WNK2: variants seen among roughly 807,000 people sequenced by gnomAD.
WNK2 encodes the protein serine/threonine-protein kinase WNK2.
A neutral mutation model predicts 192.1 loss-of-function variants in WNK2; 67 were observed. The ratio of observed to expected loss-of-function variants is 0.35; its 90% confidence interval spans 0.29 to 0.43. WNK2 has a LOEUF of 0.43. Among genes scored for constraint, WNK2 ranks in the 20% least tolerant of loss-of-function variants. The probability of loss-of-function intolerance (pLI) is 1.00; values close to 1 mark genes in which losing one functional copy is unlikely to be tolerated. For missense variants in WNK2, 2,698 were observed against 3,089.7 expected, an observed-to-expected ratio of 0.87 and a Z score of 3.01; for synonymous variants, 1,439 against 1,393.9, an observed-to-expected ratio of 1.03 and a Z score of -0.72.
At chr9:93,241,356 C>T (rs1376498682) in intron 7 of WNK2, among the ~76,000 whole-genome samples, 6 of 152,248 alleles carry the variant, frequency 3.9e-5, no homozygotes, top group Non-Finnish European at 7.3e-5. Context: ...TTGCAGTGAA[C>T]ACCTGAGCAG....
At chr9:93,317,222 G>A (rs865782747) in intron 28 of WNK2, 137 of 522,996 alleles carry the variant, frequency 2.6e-4, no homozygotes, top group African/African-American at 1.7e-3. Flanking sequence ...TCACTCATGC[G>A]CCCTCAGGGT....
At chr9:93,291,739 T>C (rs1183388798) in intron 21 of WNK2, among the ~76,000 whole-genome samples, 1 of 152,224 alleles carries the variant, frequency 6.6e-6, no homozygotes, top group African/African-American at 2.4e-5. Context: ...CGAGTTTCTT[T>C]TGTCACATGA....
At chr9:93,244,309 G>T (rs1031274225) in intron 7 of WNK2, among the ~76,000 whole-genome samples, 1 of 152,222 alleles carries the variant, frequency 6.6e-6, no homozygotes, top group African/African-American at 2.4e-5. Context: ...GAAATAGCGG[G>T]CTCTGTGGGG....
chr9:93,318,993 G>A, intron 29 of WNK2: 1 of 1,496,588 alleles, frequency 6.7e-7, no homozygotes, highest in Non-Finnish European at 8.9e-7. Flanking sequence ...TTTTCTAGGT[G>A]ATTATGCAGA....
At chr9:93,297,636 A>G (rs781061549) in intron 23 of WNK2, among the ~76,000 whole-genome samples, 2 of 152,256 alleles carry the variant, frequency 1.3e-5, no homozygotes, top group African/African-American at 4.8e-5. Context: ...CGTCGATGCC[A>G]GAGGCCCACT....
At chr9:93,250,898 C>T (rs1452557307) in intron 8 of WNK2, among the ~76,000 whole-genome samples, 1 of 149,398 alleles carries the variant, frequency 6.7e-6, no homozygotes, top group Non-Finnish European at 1.5e-5. Context: ...GATTCTTCTG[C>T]ATCAGCCTCC....
intron 2 of WNK2, among the ~76,000 whole-genome samples, chr9:93,199,908 A>AAAAAAAG (rs1288343523): frequency 1.3e-5 from 2 of 151,040 alleles, no homozygotes; most frequent in African/African-American, 2.4e-5. Flanking sequence ...TCAAAAAAAA[A>AAAAAAAG]AAAGAAAACA....
intron 7 of WNK2, among the ~76,000 whole-genome samples, chr9:93,243,724 G>C (rs1027962159): frequency 2.6e-5 from 4 of 152,164 alleles, no homozygotes; most frequent in Non-Finnish European, 4.4e-5. Context: ...TCCCTATGGG[G>C]CCTTTCCAGG....
intron 26 of WNK2, among the ~76,000 whole-genome samples, chr9:93,304,448 C>G (rs1297658750): frequency 6.6e-6 from 1 of 152,268 alleles, no homozygotes; most frequent in Non-Finnish European, 1.5e-5. Flanking sequence ...GCCCCCGCCC[C>G]AGCACCACTG....
chr9:93,245,236 C>G (rs1473273855), intron 7 of WNK2, among the ~76,000 whole-genome samples: 1 of 152,160 alleles, frequency 6.6e-6, no homozygotes, highest in African/African-American at 2.4e-5. Flanking sequence ...CCCCTGAAGC[C>G]CTGAATACTT....
At chr9:93,294,331 G>C (rs1849891896) in intron 23 of WNK2, among the ~76,000 whole-genome samples, 1 of 152,222 alleles carries the variant, frequency 6.6e-6, no homozygotes, top group African/African-American at 2.4e-5. Flanking sequence ...GAGGCAGGAA[G>C]GCAGGGATGG....
intron 23 of WNK2, among the ~76,000 whole-genome samples, chr9:93,297,385 C>T (rs1283390111): frequency 6.6e-6 from 1 of 152,198 alleles, no homozygotes; most frequent in Non-Finnish European, 1.5e-5. Context: ...GTGAGCGTCT[C>T]GCTGACTTCT....
Position 93,262,011 on chromosome 9 carries a change from C to T in WNK2, c.3264C>T (p.Ala1088=). 1.9e-6 allele frequency: 3 copies of T among 1,611,874 alleles called. No individual in the cohort carries two copies. The highest frequency in any genetic ancestry group is 2.5e-6 in the Non-Finnish European group (3 of 1,179,454). ...ASVQSVPTQT[A]TLLPPANPPL... ...TGCAGAGTGTGCCCACCCAGACTGC[C>T]ACACTTCTGCCACCAGCAAACCCAC... Residue 1088 remains alanine, a synonymous_variant, in exon 13 of 30, where the codon GCC becomes GCT. Coordinates refer to ENST00000427277, the MANE Select transcript of WNK2 (RefSeq NM_006648.4).
chr9:93,273,765 CTT>C (rs1240577661), intron 19 of WNK2, among the ~76,000 whole-genome samples: 2 of 152,126 alleles, frequency 1.3e-5, no homozygotes, highest in Admixed American at 6.5e-5. Context: ...TAAAACAAAA[CTT>C]AACAAATTTA....
chr9:93,288,243 G>A (rs1243519311), intron 19 of WNK2, among the ~76,000 whole-genome samples: 3 of 152,324 alleles, frequency 2.0e-5, no homozygotes, highest in Admixed American at 6.5e-5. Context: ...CAGGGTCACT[G>A]ACCAGCCCTG....
rs767492643 is a variant in WNK2 at position 93,259,362 on chromosome 9, CCCTCCACAGCCGGCACTG to C, written c.2823_2840del (p.Ala943_Pro948del). ...ACACGGTGCAGAATATGAGGGCCAC[CCCTCCACAGCCGGCACTG>C]CCTCCACAACCCACACTGCCCCCAC... is the stretch of plus-strand genomic sequence containing the variant. On this transcript the variant is annotated inframe_deletion, in exon 12 of 30. Transcript: ENST00000427277. This position sits in a 1 kb window ranked among gnomAD's most constrained non-coding sequence, Gnocchi z 4.8. 6.2e-7 allele frequency: 1 copy of C among 1,612,390 alleles called. No homozygotes were observed. The highest frequency in any genetic ancestry group is 8.5e-7 in the Non-Finnish European group (1 of 1,179,448).
chr9:93,270,284 T>C lies in WNK2; in HGVS notation c.4033+1538T>C, dbSNP rs186488469. Among the ~76,000 whole-genome samples, 63 of 152,358 alleles carry C rather than the reference T, an allele frequency of 4.1e-4. 1 individual carries two copies. The highest frequency in any genetic ancestry group is 1.5e-3 in the African/African-American group (62 of 41,580). On this transcript the variant is annotated intron_variant, in intron 19 of 29. Coordinates refer to ENST00000427277, the MANE Select transcript of WNK2 (RefSeq NM_006648.4). ...CAGGCATGTGCACGGAAGGCCTTTC[T>C]GCAGGAAGGAATATTATTCTGGGCC...
rs544548199 is a variant in WNK2 at position 93,227,303 on chromosome 9, C to T, written c.682-2393C>T. On this transcript the variant is annotated intron_variant, in intron 2 of 29. Transcript: ENST00000427277. ...TAATTTTTTGTATTTTTAGTAGAGA[C>T]GGGGTTTCACCATGTTAGCCAGGAT... Among the ~76,000 whole-genome samples the T allele has an allele frequency of 1.8e-4, 27 of 151,928 alleles. No individual in the cohort carries two copies. The South Asian group carries it at 4.0e-3, about 22-fold the overall frequency.
In WNK2 at chr9:93,239,535, T is replaced by A. The variant is rs1840391772; in HGVS notation, c.1323-222T>A. On this transcript the variant is annotated intron_variant, in intron 6 of 29. Transcript: ENST00000427277. The surrounding 1 kb of genome is among the most constrained non-coding windows in gnomAD (Gnocchi z 4.2). ...TCTTTTATGAGCATGTTTTTTTTTT[T>A]TATAATGAGGGGGAATAAAGGAAGT... Among the ~76,000 whole-genome samples, 1 of 152,208 alleles carries A rather than the reference T, an allele frequency of 6.6e-6. No homozygotes were observed. The highest frequency in any genetic ancestry group is 2.4e-5 in the African/African-American group (1 of 41,466).
Sources: allele counts gnomAD v4.1 joint callset (sites outside exome capture counted in the v4.1 genomes callset), GRCh38; gene constraint gnomAD v4.1.1; non-coding constraint Gnocchi (gnomAD v3.1); transcripts MANE v1.5; gene names NCBI Gene and HGNC (gene_info 2026-07-23, HGNC 2026-07-21).